Variants in UNC13C observed in about 807,000 individuals in gnomAD.
UNC13C encodes the protein unc-13 homolog C.
UNC13C carries 174 observed loss-of-function variants against 245.4 expected under a neutral mutation model. The observed-to-expected ratio is 0.71, with a 90% CI of 0.63 to 0.80. The LOEUF (loss-of-function observed/expected upper bound fraction) is 0.80, where lower values mean the gene tolerates loss of function less well. Ranked by LOEUF, UNC13C falls within the 30% of genes least tolerant of loss-of-function variation. The probability of loss-of-function intolerance (pLI) is 0.00; values close to 1 mark genes in which losing one functional copy is unlikely to be tolerated. For synonymous variants in UNC13C, 992 were observed against 895.1 expected, an observed-to-expected ratio of 1.11 and a Z score of -1.93; for missense variants, 2,829 against 2,602.9, an observed-to-expected ratio of 1.09 and a Z score of -1.89.
chr15:54,238,119 G>A (rs1366547628), intron 7 of UNC13C, among the ~76,000 whole-genome samples: 1 of 125,226 alleles, frequency 8.0e-6, no homozygotes, highest in Non-Finnish European at 1.5e-5. Context: ...CTCTGTTGCA[G>A]GCTGCAGTGC....
intron 10 of UNC13C, among the ~76,000 whole-genome samples, chr15:54,289,314 T>C (rs2037230638): frequency 6.6e-6 from 1 of 152,086 alleles, no homozygotes; most frequent in Non-Finnish European, 1.5e-5. Flanking sequence ...ACATTCTGAA[T>C]TTTATTTCCC....
Position 54,620,794 on chromosome 15 carries a change from A to AG in UNC13C, c.6107-1533_6107-1532insG, listed in dbSNP as rs1281322407. ...GAGCAAGACCCTGTCTCAAAAAAAA[A>AG]AAAAAAACCTCTCTCCCAAAAGCAG... is the stretch of plus-strand genomic sequence containing the variant. On this transcript the variant is annotated intron_variant, in intron 30 of 32. Transcript: ENST00000260323. Among the ~76,000 whole-genome samples, 30 of 152,068 alleles carry AG rather than the reference A, an allele frequency of 2.0e-4. No homozygotes were observed. The South Asian group carries it at 4.6e-3, about 23-fold the overall frequency.
intron 2 of UNC13C, among the ~76,000 whole-genome samples, chr15:54,142,775 C>T (rs1410389928): frequency 1.3e-5 from 2 of 152,174 alleles, no homozygotes; most frequent in African/African-American, 4.8e-5. Flanking sequence ...TAATATAACA[C>T]ATTGTCTTTC....
the UNC13C span, among the ~76,000 whole-genome samples, chr15:53,895,309 G>A: frequency 7.6e-6 from 1 of 131,414 alleles, no homozygotes; most frequent in East Asian, 2.2e-4. Context: ...GGTTGCCACT[G>A]CACTCCAGCC....
At chr15:53,929,561 C>CAAT in the UNC13C span, among the ~76,000 whole-genome samples, 8,379 of 152,160 alleles carry the variant, frequency 0.055, 385 homozygotes, top group East Asian at 0.21. Flanking sequence ...GCTTAGACCT[C>CAAT]AATATTTTTA....
chr15:54,454,801 T>TATTCATTC (rs57819978), intron 19 of UNC13C, among the ~76,000 whole-genome samples: 1 of 139,570 alleles, frequency 7.2e-6, no homozygotes, highest in Non-Finnish European at 1.5e-5. Flanking sequence ...AAATTTTATT[T>TATTCATTC]ATTCATTCAT....
At position 54,096,958 on chromosome 15, in the gene UNC13C, T is replaced by C. The variant is rs115322064; in HGVS notation, c.2984-46060T>C. Among the ~76,000 whole-genome samples the C allele has an allele frequency of 3.0e-3, 463 of 152,326 alleles. 2 individuals are homozygous for C. Among genetic ancestry groups the C allele is most frequent in the African/African-American group, 0.01 (436 of 41,574 alleles). ...AAATGGGAAACTTTTGTCTATACTA[T>C]TTGAATGCAATTCTCTGCAATAAAA... On this transcript the variant is annotated intron_variant, in intron 2 of 32. Coordinates refer to ENST00000260323, the MANE Select transcript of UNC13C (RefSeq NM_001080534.3).
intron 4 of UNC13C, among the ~76,000 whole-genome samples, chr15:54,203,061 C>A (rs1279818613): frequency 2.6e-5 from 4 of 151,722 alleles, no homozygotes; most frequent in East Asian, 1.9e-4. Flanking sequence ...AAAAGGCCAA[C>A]AAGCATATGG....
chr15:53,974,244 C>T (rs1335030247), upstream of UNC13C, among the ~76,000 whole-genome samples: 3 of 152,150 alleles, frequency 2.0e-5, no homozygotes, highest in Admixed American at 2.0e-4. Flanking sequence ...AAGGTTTGTT[C>T]TGGCACAAAT....
chr15:53,998,211 T>G (rs1257463312), intron 1 of UNC13C, among the ~76,000 whole-genome samples: 1 of 152,204 alleles, frequency 6.6e-6, no homozygotes, highest in Non-Finnish European at 1.5e-5. Flanking sequence ...TACTGGGATT[T>G]TGTTGTGGTC....
At position 54,625,662 on chromosome 15, in the gene UNC13C, T is replaced by C. The variant is rs922636989; in HGVS notation, c.6360-1166T>C. ...CAGGTTTTTTGTTCATGATTTCCTA[T>C]AGTCGTTTCAGCACTCTGCTCTGAA... On this transcript the variant is annotated intron_variant, in intron 32 of 32. Coordinates refer to ENST00000260323, the MANE Select transcript of UNC13C (RefSeq NM_001080534.3). 5.5e-4 allele frequency among the ~76,000 whole-genome samples: 83 copies of C among 152,140 alleles called. 1 individual carries two copies. The highest frequency in any genetic ancestry group is 1.7e-3 in the African/African-American group (72 of 41,440).
At chr15:53,973,302 G>T (rs1417535691), upstream of UNC13C, among the ~76,000 whole-genome samples, 1 of 152,030 alleles carries the variant, frequency 6.6e-6, no homozygotes, top group Non-Finnish European at 1.5e-5. Context: ...ATTGATTATT[G>T]CTAGCTAATA....
At chr15:54,404,877 A>G (rs928555489) in intron 18 of UNC13C, among the ~76,000 whole-genome samples, 1 of 152,294 alleles carries the variant, frequency 6.6e-6, no homozygotes, top group African/African-American at 2.4e-5. Context: ...CTGTGAGTAC[A>G]TAAACATTTT....
chr15:54,206,684 G>T (rs1037931116), intron 4 of UNC13C, among the ~76,000 whole-genome samples: 1 of 152,058 alleles, frequency 6.6e-6, no homozygotes, highest in African/African-American at 2.4e-5. Flanking sequence ...TTGTATTAAA[G>T]ATATTTGTGG....
At chr15:53,839,888 T>C in the UNC13C span, among the ~76,000 whole-genome samples, 1,277 of 152,254 alleles carry the variant, frequency 8.4e-3, 8 homozygotes, top group Non-Finnish European at 9.5e-3. Context: ...TTGTTAAAGA[T>C]TTATGGAAGA....
intron 18 of UNC13C, among the ~76,000 whole-genome samples, chr15:54,401,580 T>G (rs2040185181): frequency 6.6e-6 from 1 of 152,056 alleles, no homozygotes; most frequent in African/African-American, 2.4e-5. Flanking sequence ...AACAATTAAG[T>G]CAGAATGAAG....
the UNC13C span, among the ~76,000 whole-genome samples, chr15:53,863,685 G>T: frequency 6.6e-6 from 1 of 152,114 alleles, no homozygotes; most frequent in African/African-American, 2.4e-5. Context: ...GAAGATTCAA[G>T]GTGTAATAAA....
intron 22 of UNC13C, among the ~76,000 whole-genome samples, chr15:54,501,452 T>C (rs943569998): frequency 6.6e-6 from 1 of 152,202 alleles, no homozygotes; most frequent in African/African-American, 2.4e-5. Context: ...TTAGTTTTCA[T>C]ATTTGACATA....
intron 17 of UNC13C, among the ~76,000 whole-genome samples, chr15:54,383,633 C>T (rs1376858353): frequency 6.6e-6 from 1 of 152,086 alleles, no homozygotes; most frequent in Non-Finnish European, 1.5e-5. Context: ...CCGCTCTCAC[C>T]ACTCCTATGC....
Sources: allele counts gnomAD v4.1 joint callset (sites outside exome capture counted in the v4.1 genomes callset), GRCh38; gene constraint gnomAD v4.1.1; transcripts MANE v1.5; gene names NCBI Gene and HGNC (gene_info 2026-07-23, HGNC 2026-07-21).